The following SRPRA variants were observed in gnomAD, a reference collection of about 807,000 sequenced individuals.
SRPRA encodes the protein SRP receptor subunit alpha, also known as signal recognition particle receptor subunit alpha.
In SRPRA, 30 loss-of-function variants were observed where a neutral mutation model predicts 61.1. That is an observed-to-expected ratio of 0.49 (90% CI 0.37 to 0.67). SRPRA has a LOEUF of 0.67. SRPRA is among the 30% of genes least tolerant of loss of function. The pLI is 0.00. For missense variants in SRPRA, 759 were observed against 828.4 expected (o/e 0.92, Z 1.03); for synonymous variants, 324 against 299.7 (o/e 1.08, Z -0.84).
At position 126,268,774 on chromosome 11, in the gene SRPRA, C is replaced by T. The variant is rs1203150108; in HGVS notation, c.31G>A (p.Gly11Ser). The change falls in exon 1 of 14, where the codon GGC (glycine) becomes AGC (serine). Residue 11 changes from glycine (G) to serine (S), a missense_variant. Transcript: ENST00000332118. ...TGGAAGCACCAGAGCACAAGCCCGC[C>T]CTTGGAGAAAATGGTGAAGAAGTCG... MLDFFTIFSK[G>S]GLVLWCFQGV... is the part of the protein sequence containing the mutation. The T allele has an allele frequency of 4.3e-6, 7 of 1,613,782 alleles. No homozygotes were observed. Among genetic ancestry groups the T allele is most frequent in the Non-Finnish European group, 5.1e-6 (6 of 1,180,016 alleles).
intron 1 of SRPRA, 70 bp from the exon 2 acceptor site, chr11:126,268,156 T>A (rs534708538): frequency 7.0e-6 from 10 of 1,418,850 alleles, no homozygotes; most frequent in Non-Finnish European, 9.9e-6. Flanking sequence ...TGGGTTTGGA[T>A]AACCTTTGGG....
chr11:126,264,316 A>G lies in SRPRA; in HGVS notation c.1690-27T>C. On this transcript the variant is annotated intron_variant, in intron 12 of 13. Transcript: ENST00000332118. This position sits in a 1 kb window ranked among gnomAD's most constrained non-coding sequence, Gnocchi z 5.0. ...TGGAAAGAAAAAGTGATAGAAGTGT[A>G]AGAACCATCTAAATTGACCAAAGCT... 1.2e-6 allele frequency: 2 copies of G among 1,613,590 alleles called. No homozygotes were observed. Among genetic ancestry groups the G allele is most frequent in the Non-Finnish European group, 1.7e-6 (2 of 1,179,606 alleles).
At chr11:126,249,263 A>G in the SRPRA span, among the ~76,000 whole-genome samples, 6 of 152,240 alleles carry the variant, frequency 3.9e-5, no homozygotes, top group Non-Finnish European at 8.8e-5. Flanking sequence ...TGATGTTTTC[A>G]ACAGTTGCAA....
Position 126,264,576 on chromosome 11 carries a change from C to T in SRPRA, c.1526-37G>A. 1 of 1,606,944 alleles carries T rather than the reference C, an allele frequency of 6.2e-7. No individual in the cohort carries two copies. The highest frequency in any genetic ancestry group is 1.1e-5 in the South Asian group (1 of 90,632). ...AAGTAGTCAACTCTGAACACCTGGA[C>T]TACCACTCATGCTCGTTCCCAGCTT... On this transcript the variant is annotated intron_variant, in intron 11 of 13. Coordinates refer to ENST00000332118, the MANE Select transcript of SRPRA (RefSeq NM_003139.4). The surrounding 1 kb of genome is among the most constrained non-coding windows in gnomAD (Gnocchi z 5.0).
Position 126,267,390 on chromosome 11 carries a change from C to CCTTCCA in SRPRA, c.366-56_366-55insTGGAAG. ...CTACCCCATGCAGAAGGAAAAATAA[C>CCTTCCA]GGTCCAGAGAAAGGACTCTCACACC... is the stretch of plus-strand genomic sequence containing the variant. On this transcript the variant is annotated intron_variant, in intron 3 of 13. Coordinates refer to ENST00000332118, the MANE Select transcript of SRPRA (RefSeq NM_003139.4). The surrounding 1 kb of genome is among the most constrained non-coding windows in gnomAD (Gnocchi z 4.2). 1 of 1,602,826 alleles carries CCTTCCA rather than the reference C, an allele frequency of 6.2e-7. No individual in the cohort carries two copies. The highest frequency in any genetic ancestry group is 8.5e-7 in the Non-Finnish European group (1 of 1,174,660).
At chr11:126,249,793 T>C in the SRPRA span, among the ~76,000 whole-genome samples, 4 of 150,002 alleles carry the variant, frequency 2.7e-5, no homozygotes, top group African/African-American at 9.8e-5. Context: ...ATTAGGGCTG[T>C]GTCTCAGTGG....
At chr11:126,259,671 C>T (rs1333925759), downstream of SRPRA, among the ~76,000 whole-genome samples, 3 of 151,398 alleles carry the variant, frequency 2.0e-5, no homozygotes, top group Admixed American at 6.6e-5. Flanking sequence ...ATGATCCACC[C>T]GCCCTGGCCT....
downstream of SRPRA, among the ~76,000 whole-genome samples, chr11:126,258,310 C>T (rs1950612729): frequency 6.6e-6 from 1 of 152,074 alleles, no homozygotes; most frequent in Non-Finnish European, 1.5e-5. Flanking sequence ...TCACTTGAGC[C>T]CAGGAGTTGG....
the SRPRA span, among the ~76,000 whole-genome samples, chr11:126,246,728 A>C: frequency 2.0e-5 from 3 of 152,098 alleles, no homozygotes. Flanking sequence ...GGCTTGAGCT[A>C]CCATGCCAAT....
At chr11:126,253,024 G>C in the SRPRA span, among the ~76,000 whole-genome samples, 2 of 152,198 alleles carry the variant, frequency 1.3e-5, no homozygotes, top group Non-Finnish European at 2.9e-5. This position sits in a 1 kb window ranked among gnomAD's most constrained non-coding sequence, Gnocchi z 5.1. Flanking sequence ...AACAGACCAA[G>C]ACTCTGTCTA....
At chr11:126,242,740 A>T in the SRPRA span, among the ~76,000 whole-genome samples, 5 of 152,348 alleles carry the variant, frequency 3.3e-5, no homozygotes, top group East Asian at 7.7e-4. Flanking sequence ...AATAAGTGTT[A>T]TTAAGGATGT....
chr11:126,265,832 A>AG lies in SRPRA; in HGVS notation c.1052-10dup. The AG allele has an allele frequency of 6.2e-7, 1 of 1,614,162 alleles. No homozygotes were observed. The highest frequency in any genetic ancestry group is 2.2e-5 in the East Asian group (1 of 44,892). On this transcript the variant is annotated splice_polypyrimidine_tract_variant and intron_variant, in intron 8 of 13. Transcript: ENST00000332118. This position sits in a 1 kb window ranked among gnomAD's most constrained non-coding sequence, Gnocchi z 6.3. ...TGCAGCCACGTTCTTAGCTGAGGAG[A>AG]GGGGGACAGGTATGTCAGTTCCATG... is the stretch of plus-strand genomic sequence containing the variant.
chr11:126,263,638 A>T lies in SRPRA; in HGVS notation c.*278T>A, dbSNP rs1159749027. On this transcript the variant is annotated 3_prime_UTR_variant, in exon 14 of 14. Coordinates refer to ENST00000332118, the MANE Select transcript of SRPRA (RefSeq NM_003139.4). ...CCAACCATTGGTCAAAGCTGTAATA[A>T]GACTGAGTCTGTAGGCAGAGTGAAG... The T allele has an allele frequency of 2.5e-6, 1 of 398,624 alleles. No homozygotes were observed. Among genetic ancestry groups the T allele is most frequent in the African/African-American group, 2.0e-5 (1 of 49,268 alleles). 24.7% of individuals were successfully genotyped at this position (398,624 alleles called of 1,614,324 possible). A position where few individuals can be genotyped will look rare whatever the true frequency, so the allele number is the denominator to read the frequency against.
chr11:126,261,124 T>C (rs1043935832), downstream of SRPRA: 11 of 325,176 alleles, frequency 3.4e-5, no homozygotes, highest in Non-Finnish European at 5.8e-5. Context: ...CTAGACTGTT[T>C]AGGGACAGCA....
the SRPRA span, among the ~76,000 whole-genome samples, chr11:126,249,748 A>AG: frequency 3.3e-5 from 5 of 150,068 alleles, no homozygotes; most frequent in Non-Finnish European, 5.9e-5. Flanking sequence ...AAAAAAAAAA[A>AG]AAAAAAGAAA....
At chr11:126,254,526 C>A in the SRPRA span, 1 of 1,522,766 alleles carries the variant, frequency 6.6e-7, no homozygotes, top group Non-Finnish European at 9.0e-7. Flanking sequence ...ATCTTCTTTT[C>A]ATTAAGTGAA....
chr11:126,245,323 C>T, the SRPRA span: 1 of 151,700 alleles, frequency 6.6e-6, no homozygotes, highest in Admixed American at 6.6e-5. Flanking sequence ...TACAAGGGAC[C>T]TAGGGTAGCC....
the SRPRA span, among the ~76,000 whole-genome samples, chr11:126,237,494 T>C: frequency 6.9e-6 from 1 of 144,446 alleles, no homozygotes; most frequent in South Asian, 2.2e-4. Context: ...TGCCTTGGCC[T>C]CCCAAAGTGC....
the SRPRA span, among the ~76,000 whole-genome samples, chr11:126,242,366 A>T: frequency 6.6e-6 from 1 of 152,160 alleles, no homozygotes; most frequent in Non-Finnish European, 1.5e-5. Flanking sequence ...AAGGCAGGAG[A>T]ACTGCTTGAG....
Sources: gnomAD v4.1 joint callset for allele counts (sites outside exome capture counted in the v4.1 genomes callset) on GRCh38, gnomAD v4.1.1 for gene constraint, Gnocchi (gnomAD v3.1) non-coding constraint, MANE v1.5 for transcripts, NCBI Gene and HGNC (gene_info 2026-07-23, HGNC 2026-07-21) for gene names.